Variants in NCAM2 observed in about 807,000 individuals in gnomAD.
NCAM2 encodes the protein neural cell adhesion molecule 2, also known as N-CAM-2.
NCAM2 carries 30 observed loss-of-function variants against 98.1 expected under a neutral mutation model. That is an observed-to-expected ratio of 0.31 (90% CI 0.23 to 0.41). The LOEUF is 0.41. Among genes scored for constraint, NCAM2 ranks in the 10% least tolerant of loss-of-function variants. The pLI, the probability that NCAM2 is intolerant of heterozygous loss-of-function variation, is 1.00. For missense variants in NCAM2, 867 were observed against 1,005.8 expected (o/e 0.86, Z 1.87); for synonymous variants, 368 against 342.4 (o/e 1.07, Z -0.83).
intron 1 of NCAM2, among the ~76,000 whole-genome samples, chr21:21,070,997 A>T (rs2065551060): frequency 6.6e-6 from 1 of 152,182 alleles, no homozygotes; most frequent in African/African-American, 2.4e-5. Context: ...TGGGAAATAA[A>T]GTTTTGAGAG....
chr21:21,178,196 C>T (rs1442190924), intron 1 of NCAM2, among the ~76,000 whole-genome samples: 1 of 152,018 alleles, frequency 6.6e-6, no homozygotes, highest in Admixed American at 6.6e-5. Flanking sequence ...TAAATCAAAG[C>T]AACTAATCTG....
At chr21:21,120,713 T>A (rs1467316614) in intron 1 of NCAM2, among the ~76,000 whole-genome samples, 4 of 134,374 alleles carry the variant, frequency 3.0e-5, no homozygotes, top group African/African-American at 1.1e-4. Flanking sequence ...ATTTATTTTT[T>A]TGTGGGTTTT....
chr21:21,295,053 T>C (rs889974732), intron 5 of NCAM2, among the ~76,000 whole-genome samples: 35 of 151,812 alleles, frequency 2.3e-4, no homozygotes, highest in African/African-American at 8.2e-4. Context: ...CAATTTGACA[T>C]TTATTCTGGT....
intron 6 of NCAM2, among the ~76,000 whole-genome samples, chr21:21,324,812 A>G (rs539852629): frequency 3.9e-5 from 6 of 152,192 alleles, no homozygotes; most frequent in African/African-American, 1.4e-4. Context: ...TATCATTACA[A>G]TTTATCTTGA....
chr21:21,056,571 G>T (rs1797258345), intron 1 of NCAM2, among the ~76,000 whole-genome samples: 1 of 150,710 alleles, frequency 6.6e-6, no homozygotes. Context: ...GTGAGAGAGA[G>T]AGATAGTGAG....
chr21:21,040,185 G>A (rs1014102999), intron 1 of NCAM2, among the ~76,000 whole-genome samples: 2 of 152,140 alleles, frequency 1.3e-5, no homozygotes, highest in African/African-American at 2.4e-5. Flanking sequence ...AAACTGTAGA[G>A]GATATCTTAC....
intron 5 of NCAM2, among the ~76,000 whole-genome samples, chr21:21,320,189 A>G (rs2074338458): frequency 6.6e-6 from 1 of 152,192 alleles, no homozygotes; most frequent in Non-Finnish European, 1.5e-5. Flanking sequence ...TCAAATATGC[A>G]TAGAAATGCT....
chr21:21,174,956 C>T (rs1005375219), intron 1 of NCAM2, among the ~76,000 whole-genome samples: 70 of 151,892 alleles, frequency 4.6e-4, no homozygotes, highest in Middle Eastern at 3.4e-3. Flanking sequence ...TACCGTAAAT[C>T]AAGAAAGAAC....
chr21:21,444,778 A>C (rs1329774914), intron 12 of NCAM2, among the ~76,000 whole-genome samples: 1 of 152,100 alleles, frequency 6.6e-6, no homozygotes, highest in Non-Finnish European at 1.5e-5. Flanking sequence ...TTTTTCAAAA[A>C]ACCAGCTCCT....
At chr21:21,294,044 C>T (rs1436447735) in intron 5 of NCAM2, among the ~76,000 whole-genome samples, 1 of 151,426 alleles carries the variant, frequency 6.6e-6, no homozygotes, top group Non-Finnish European at 1.5e-5. Flanking sequence ...CTTTGTTATT[C>T]ATTCTGCTAT....
intron 1 of NCAM2, among the ~76,000 whole-genome samples, chr21:21,130,849 G>T (rs1256126461): frequency 6.6e-6 from 1 of 152,078 alleles, no homozygotes; most frequent in African/African-American, 2.4e-5. Context: ...ATATAAGCTG[G>T]TAATTTATTA....
In NCAM2 at chr21:21,136,855, C is replaced by A. The variant is rs77836835; in HGVS notation, c.55+138237C>A. On this transcript the variant is annotated intron_variant, in intron 1 of 17. Coordinates refer to ENST00000400546, the MANE Select transcript of NCAM2 (RefSeq NM_004540.5). ...CATGCAAAGCAAAGGGAAAGTTAAA[C>A]AACTGTTCCTCAAAAGAAATTTTGA... Among the ~76,000 whole-genome samples, 755 of 151,860 alleles carry A rather than the reference C, an allele frequency of 5.0e-3. 10 individuals are homozygous for A. The highest frequency in any genetic ancestry group is 0.018 in the African/African-American group (735 of 41,396).
At chr21:21,518,432 A>AAAT (rs1349856136) in intron 16 of NCAM2, among the ~76,000 whole-genome samples, 2 of 152,162 alleles carry the variant, frequency 1.3e-5, no homozygotes, top group Non-Finnish European at 2.9e-5. Flanking sequence ...GAGACATGGT[A>AAAT]AATACAGTGG....
intron 1 of NCAM2, among the ~76,000 whole-genome samples, chr21:21,135,104 G>A (rs998379751): frequency 6.6e-6 from 1 of 151,760 alleles, no homozygotes; most frequent in Non-Finnish European, 1.5e-5. Context: ...AAATTAGCTG[G>A]GCGTGGTGCC....
At chr21:21,047,803 C>G (rs149085406) in intron 1 of NCAM2, among the ~76,000 whole-genome samples, 77 of 152,146 alleles carry the variant, frequency 5.1e-4, no homozygotes, top group African/African-American at 1.6e-3. Flanking sequence ...GAGAACTAAG[C>G]TCTGATTTTT....
At chr21:21,422,456 A>T (rs1241597295) in intron 11 of NCAM2, among the ~76,000 whole-genome samples, 1 of 152,212 alleles carries the variant, frequency 6.6e-6, no homozygotes, top group Non-Finnish European at 1.5e-5. Flanking sequence ...TAATATAAAA[A>T]TGAAATATTT....
intron 14 of NCAM2, among the ~76,000 whole-genome samples, chr21:21,469,182 A>G (rs1404466143): frequency 6.6e-6 from 1 of 152,046 alleles, no homozygotes; most frequent in African/African-American, 2.4e-5. Context: ...TTAATCAAAT[A>G]ATTTGACTTA....
intron 9 of NCAM2, among the ~76,000 whole-genome samples, chr21:21,409,098 T>A (rs778628852): frequency 1.8e-4 from 27 of 152,070 alleles, no homozygotes; most frequent in Non-Finnish European, 3.1e-4. Context: ...ATGAGCAAAA[T>A]TTTAGCTACA....
intron 1 of NCAM2, among the ~76,000 whole-genome samples, chr21:21,061,057 G>A (rs1421907247): frequency 6.6e-6 from 1 of 152,128 alleles, no homozygotes; most frequent in Non-Finnish European, 1.5e-5. Context: ...AGGAAAAGGA[G>A]TAAGGATTGT....
Sources: allele counts gnomAD v4.1 joint callset (sites outside exome capture counted in the v4.1 genomes callset), GRCh38; gene constraint gnomAD v4.1.1; transcripts MANE v1.5; gene names NCBI Gene and HGNC (gene_info 2026-07-23, HGNC 2026-07-21).